CLOCK: variants seen among roughly 807,000 people sequenced by gnomAD.
CLOCK encodes the protein circadian locomoter output cycles protein kaput.
In CLOCK, 43 loss-of-function variants were observed where a neutral mutation model predicts 118.4. The observed-to-expected ratio is 0.36, with a 90% CI of 0.28 to 0.47. The LOEUF is 0.47. CLOCK is among the 20% of genes least tolerant of loss of function. The probability of loss-of-function intolerance (pLI) is 1.00; values close to 1 mark genes in which losing one functional copy is unlikely to be tolerated. For missense variants in CLOCK, 846 were observed against 999.9 expected (o/e 0.85, Z 2.08); for synonymous variants, 326 against 339.2 (o/e 0.96, Z 0.43).
At chr4:55,497,287 C>T (rs776939493) in intron 2 of CLOCK, among the ~76,000 whole-genome samples, 1 of 152,294 alleles carries the variant, frequency 6.6e-6, no homozygotes, top group South Asian at 2.1e-4. Context: ...AAGTCCTTCT[C>T]GGGCTGCCAT....
intron 2 of CLOCK, among the ~76,000 whole-genome samples, chr4:55,508,229 C>A (rs1032215835): frequency 2.0e-5 from 3 of 152,124 alleles, no homozygotes; most frequent in Non-Finnish European, 2.9e-5. Flanking sequence ...CTTTTAAGTA[C>A]TTAAGATGTT....
intron 2 of CLOCK, among the ~76,000 whole-genome samples, chr4:55,492,708 G>C (rs1727800033): frequency 6.6e-6 from 1 of 152,078 alleles, no homozygotes; most frequent in East Asian, 1.9e-4. Context: ...AGCTGGGCAT[G>C]GTGGCACACG....
chr4:55,431,731 A>G lies in CLOCK; in HGVS notation c.*3684T>C, dbSNP rs1332838794. 1 of 152,250 alleles carries G rather than the reference A, an allele frequency of 6.6e-6. No individual in the cohort carries two copies. Among genetic ancestry groups the G allele is most frequent in the African/African-American group, 2.4e-5 (1 of 41,472 alleles). The allele number at this position is 152,250 out of a possible 1,614,324, so 9.4% of individuals were successfully genotyped here. A position where few individuals can be genotyped will look rare whatever the true frequency, so the allele number is the denominator to read the frequency against. ...ACAGAAAGAAAAAAGCAGAAATACT[A>G]AAGTAAAATGCTATTTGCATTCCAC... On this transcript the variant is annotated 3_prime_UTR_variant, in exon 23 of 23. Coordinates refer to ENST00000513440, the MANE Select transcript of CLOCK (RefSeq NM_004898.4).
At chr4:55,541,548 T>C (rs1163115218) in intron 1 of CLOCK, among the ~76,000 whole-genome samples, 1 of 152,198 alleles carries the variant, frequency 6.6e-6, no homozygotes, top group Non-Finnish European at 1.5e-5. Context: ...AATGCTTTAT[T>C]TGACACAGCA....
At position 55,509,032 on chromosome 4, in the gene CLOCK, A is replaced by G. The variant is rs372567499; in HGVS notation, c.-136+880T>C. Among the ~76,000 whole-genome samples the G allele has an allele frequency of 3.0e-4, 45 of 152,360 alleles. No individual in the cohort carries two copies. The South Asian group carries it at 3.3e-3, about 11-fold the overall frequency. Reference sequence around the variant, plus strand: ...TTGCTCCTAGGCTACAAACCTGCACAGCATGCAATGGTACTGAATACTCAA... The same window carrying G: ...TTGCTCCTAGGCTACAAACCTGCACGGCATGCAATGGTACTGAATACTCAA... On this transcript the variant is annotated intron_variant, in intron 2 of 22. Coordinates refer to ENST00000513440, the MANE Select transcript of CLOCK (RefSeq NM_004898.4).
At chr4:55,448,996 TACAGCTATGTCTTCTCATCTATATTGG>T in intron 17 of CLOCK, 128 bp from the exon 18 acceptor site, 1 of 755,166 alleles carries the variant, frequency 1.3e-6, no homozygotes, top group Non-Finnish European at 2.2e-6. Context: ...GTTAGCTGAA[TACAGCTATGTCTTCTCATCTATATTGG>T]AAAGGCCTGT....
Position 55,435,309 on chromosome 4 carries a change from A to G in CLOCK, c.*106T>C. 7.6e-7 allele frequency: 1 copy of G among 1,307,812 alleles called. No individual in the cohort carries two copies. Among genetic ancestry groups the G allele is most frequent in the Non-Finnish European group, 1.1e-6 (1 of 908,058 alleles). 81.0% of individuals were successfully genotyped at this position (1,307,812 alleles called of 1,614,324 possible). ...CAGGAACTAGAACACTCAATACTGC[A>G]TCTCATGAAACTGCTGGAACTTTCC... On this transcript the variant is annotated 3_prime_UTR_variant, in exon 23 of 23. Transcript: ENST00000513440.
chr4:55,514,553 A>T (rs1322371581), intron 1 of CLOCK, among the ~76,000 whole-genome samples: 2 of 150,542 alleles, frequency 1.3e-5, no homozygotes, highest in Admixed American at 6.6e-5. Flanking sequence ...TTCTTTCTCA[A>T]GTTGAAGAAG....
At chr4:55,527,709 C>T (rs944798566) in intron 1 of CLOCK, among the ~76,000 whole-genome samples, 3 of 151,904 alleles carry the variant, frequency 2.0e-5, no homozygotes, top group African/African-American at 7.3e-5. Flanking sequence ...AAGGAAGTAT[C>T]GTTAATTTTG....
At chr4:55,538,242 G>A (rs1434696193) in intron 1 of CLOCK, among the ~76,000 whole-genome samples, 1 of 151,972 alleles carries the variant, frequency 6.6e-6, no homozygotes, top group African/African-American at 2.4e-5. Flanking sequence ...AACTTATCAG[G>A]CATGTGAAGA....
At position 55,434,876 on chromosome 4, in the gene CLOCK, CAT is replaced by C. The variant is rs1722758182; in HGVS notation, c.*537_*538del. ...TATACATATTTTTACATCATCTGTA[CAT>C]AGAGAATTTGAACCCACACAACATT... On this transcript the variant is annotated 3_prime_UTR_variant, in exon 23 of 23. Transcript: ENST00000513440. 1 of 150,806 alleles carries C rather than the reference CAT, an allele frequency of 6.6e-6. No homozygotes were observed. The highest frequency in any genetic ancestry group is 1.4e-5 in the Non-Finnish European group (1 of 69,360). The allele number at this position is 150,806 out of a possible 1,614,324, so 9.3% of individuals were successfully genotyped here. A position where few individuals can be genotyped will look rare whatever the true frequency, so the allele number is the denominator to read the frequency against.
chr4:55,442,562 C>T lies in CLOCK; in HGVS notation c.1975G>A (p.Ala659Thr), dbSNP rs1287312825. 6.2e-7 allele frequency: 1 copy of T among 1,611,544 alleles called. No homozygotes were observed. Among genetic ancestry groups the T allele is most frequent in the Non-Finnish European group, 8.5e-7 (1 of 1,179,602 alleles). Residue 659 changes from alanine to threonine, a missense_variant, in exon 21 of 23, where the codon GCC becomes ACC. By Grantham distance (58) the Ala-to-Thr change is moderately conservative. Coordinates refer to ENST00000513440, the MANE Select transcript of CLOCK (RefSeq NM_004898.4). ...LPSQTQSTLT[A>T]PLYNTMVISQ... is the part of the protein sequence containing the mutation. ...ATCACCATAGTGTTATACAGTGGGG[C>T]TGTAAGAGTGCTCTGTGTCTGACTG...
intron 1 of CLOCK, among the ~76,000 whole-genome samples, chr4:55,524,604 A>G (rs1730055343): frequency 6.6e-6 from 1 of 152,162 alleles, no homozygotes; most frequent in Non-Finnish European, 1.5e-5. Flanking sequence ...ACCTAGTTTT[A>G]CTTTTTTATT....
chr4:55,472,627 C>A (rs756326349), intron 7 of CLOCK, among the ~76,000 whole-genome samples: 1 of 152,066 alleles, frequency 6.6e-6, no homozygotes, highest in Non-Finnish European at 1.5e-5. Flanking sequence ...TAGTGTAGCG[C>A]AAGTAAAAAT....
At chr4:55,478,134 T>G (rs1726647559) in intron 6 of CLOCK, among the ~76,000 whole-genome samples, 1 of 132,966 alleles carries the variant, frequency 7.5e-6, no homozygotes, top group African/African-American at 2.5e-5. Flanking sequence ...AAATTTCCTT[T>G]TACAGGTTTT....
intron 9 of CLOCK, among the ~76,000 whole-genome samples, chr4:55,460,583 T>G (rs560436165): frequency 6.6e-6 from 1 of 152,328 alleles, no homozygotes; most frequent in South Asian, 2.1e-4. Flanking sequence ...GCCAATTTAG[T>G]GCAGTTGCAA....
intron 1 of CLOCK, among the ~76,000 whole-genome samples, chr4:55,527,009 A>C (rs1026235092): frequency 8.7e-4 from 132 of 151,222 alleles, no homozygotes; most frequent in African/African-American, 3.0e-3. Context: ...AAAAAAGGTT[A>C]GAAACACTGC....
intron 13 of CLOCK, among the ~76,000 whole-genome samples, chr4:55,454,124 T>C (rs2109776213): frequency 6.6e-6 from 1 of 152,188 alleles, no homozygotes; most frequent in South Asian, 2.1e-4. Flanking sequence ...ATACAGAGGG[T>C]AATAACAATA....
At chr4:55,545,793 A>C (rs1326112776) in intron 1 of CLOCK, 1 of 152,282 alleles carries the variant, frequency 6.6e-6, no homozygotes, top group Non-Finnish European at 1.5e-5. Flanking sequence ...AACTCCAGAA[A>C]ACCCAGCTTC....
Sources: allele counts gnomAD v4.1 joint callset (sites outside exome capture counted in the v4.1 genomes callset), GRCh38; gene constraint gnomAD v4.1.1; transcripts MANE v1.5; gene names NCBI Gene and HGNC (gene_info 2026-07-23, HGNC 2026-07-21).